Variants in FANCM observed in about 807,000 individuals in gnomAD.
FANCM encodes the protein Fanconi anemia group M protein.
FANCM carries 140 observed loss-of-function variants against 199.5 expected under a neutral mutation model. The ratio of observed to expected loss-of-function variants is 0.70; its 90% CI spans 0.61 to 0.81. The LOEUF (loss-of-function observed/expected upper bound fraction) is 0.81, where lower values mean the gene tolerates loss of function less well. Among genes scored for constraint, FANCM ranks in the 30% least tolerant of loss-of-function variants. FANCM has a pLI of 0.00. For synonymous variants in FANCM, 840 were observed against 836.8 expected, an observed-to-expected ratio of 1.00 and a Z score of -0.07; for missense variants, 2,410 against 2,421.4, an observed-to-expected ratio of 1.00 and a Z score of 0.10.
At chr14:45,192,688 G>C (rs1261079921) in intron 20 of FANCM, among the ~76,000 whole-genome samples, 1 of 151,890 alleles carries the variant, frequency 6.6e-6, no homozygotes, top group Admixed American at 6.6e-5. Context: ...AATTAGCCTG[G>C]CATGCTGGTG....
Position 45,175,146 on chromosome 14 carries a change from A to G in FANCM, c.2392A>G (p.Arg798Gly), listed in dbSNP as rs772286894. The G allele has an allele frequency of 8.7e-6, 14 of 1,611,980 alleles. No individual in the cohort carries two copies. Among genetic ancestry groups the G allele is most frequent in the Non-Finnish European group, 1.1e-5 (13 of 1,178,828 alleles). ...TGTTACCTCAACATTTATTGCTCCC[A>G]GGAATGAATCTAATAATCTTGCCAG... ...EDVTSTFIAP[R>G]NESNNLASDT... The change falls in exon 14 of 23, where the codon AGG (arginine) becomes GGG (glycine). Residue 798 changes from arginine (R) to glycine (G), a missense_variant. Transcript: ENST00000267430.
In FANCM at chr14:45,189,363, G is replaced by A. The variant is rs754297345; in HGVS notation, c.5340+1G>A. On this transcript the variant is annotated splice_donor_variant, in intron 20 of 22. Transcript: ENST00000267430. LOFTEE classifies it high-confidence loss of function. ...TAGAAAATTTCCAGTTCCACAGAAG[G>A]TATGGATCAAAGAAAGGAAAAATAT... 6.2e-7 allele frequency: 1 copy of A among 1,602,098 alleles called. No homozygotes were observed. The highest frequency in any genetic ancestry group is 8.6e-7 in the Non-Finnish European group (1 of 1,169,182).
intron 22 of FANCM, 118 bp downstream of exon 22, chr14:45,199,053 A>G (rs1040812883): frequency 1.2e-5 from 9 of 764,166 alleles, no homozygotes; most frequent in African/African-American, 7.1e-5. Context: ...TATTTTATTC[A>G]GTAAACATTT....
chr14:45,184,032 GA>G (rs752920282), intron 17 of FANCM, 130 bp downstream of exon 17: 22 of 639,908 alleles, frequency 3.4e-5, no homozygotes, highest in Non-Finnish European at 5.4e-5. Flanking sequence ...CACCCATTTA[GA>G]TTTTTTTTAC....
At position 45,169,852 on chromosome 14, in the gene FANCM, A is replaced by G. The variant is rs538514970; in HGVS notation, c.2003-737A>G. Among the ~76,000 whole-genome samples, 9 of 152,276 alleles carry G rather than the reference A, an allele frequency of 5.9e-5. No individual in the cohort carries two copies. The East Asian group carries it at 7.7e-4, about 13-fold the overall frequency. On this transcript the variant is annotated intron_variant, in intron 11 of 22. Transcript: ENST00000267430. ...ATACTATACATATTTTTAAAAGTCT[A>G]TTATGTCCTTTTTTAAAGCAACAAG...
chr14:45,189,284 T>C lies in FANCM; in HGVS notation c.5262T>C (p.Asn1754=). 6.2e-7 allele frequency: 1 copy of C among 1,613,948 alleles called. No individual in the cohort carries two copies. The highest frequency in any genetic ancestry group is 8.5e-7 in the Non-Finnish European group (1 of 1,179,852). ...CAGACTTCAAACCTCAGAATCATAATGAAGTCCAGTCTACCACACCACCCT... is the reference window on the plus strand; with the variant it reads ...CAGACTTCAAACCTCAGAATCATAACGAAGTCCAGTCTACCACACCACCCT... ...EVSDFKPQNH[N]EVQSTTPPFT... Residue 1754 remains asparagine, a synonymous_variant, in exon 20 of 23, where the codon AAT becomes AAC. Coordinates refer to ENST00000267430, the MANE Select transcript of FANCM (RefSeq NM_020937.4).
intron 3 of FANCM, among the ~76,000 whole-genome samples, chr14:45,146,894 A>G (rs988910068): frequency 2.0e-5 from 3 of 150,758 alleles, no homozygotes; most frequent in African/African-American, 7.3e-5. Flanking sequence ...TAACTAAGCT[A>G]TCTTGTCAGT....
intron 20 of FANCM, among the ~76,000 whole-genome samples, chr14:45,189,584 C>G (rs1193185558): frequency 1.3e-5 from 2 of 152,116 alleles, no homozygotes; most frequent in Admixed American, 1.3e-4. Flanking sequence ...GTTTTGTTAA[C>G]ACTATGTAAG....
In FANCM at chr14:45,176,186, C is replaced by T. The variant is rs374047969; in HGVS notation, c.3432C>T (p.Phe1144=). The change falls in exon 14 of 23, where the codon TTC becomes TTT. Residue 1144 remains phenylalanine, a synonymous_variant. Transcript: ENST00000267430. ...LLLFEDVNTE[F]DDVSLSPLNS... is the part of the protein sequence containing the mutation. ...TATTTGAAGATGTTAATACAGAGTT[C>T]GACGATGTGAGTCTTTCACCCTTGA... The T allele has an allele frequency of 2.3e-5, 37 of 1,614,000 alleles. No homozygotes were observed. In the African/African-American group the frequency reaches 3.6e-4, roughly 16 times the overall value.
At chr14:45,138,836 A>T (rs1248551036) in intron 2 of FANCM, among the ~76,000 whole-genome samples, 1 of 152,190 alleles carries the variant, frequency 6.6e-6, no homozygotes, top group East Asian at 1.9e-4. Flanking sequence ...ATACATTCCA[A>T]TAGGTACACC....
rs751605791 is a variant in FANCM at position 45,173,138 on chromosome 14, A to C, written c.2244A>C (p.Gln748His). The part of the protein sequence containing the change: ...LWQDHPLPTH[Q>H]VDHSDRCRHF... ...AAGATCATCCTTTGCCTACACATCA[A>C]GTTGATCACTCAGATCGATGCCGCC... Residue 748 changes from glutamine (Q) to histidine (H), a missense_variant, in exon 13 of 23, where the codon CAA becomes CAC. Gln to His is a conservative substitution (Grantham distance 24). Transcript: ENST00000267430. 1 of 1,612,966 alleles carries C rather than the reference A, an allele frequency of 6.2e-7. No homozygotes were observed. Among genetic ancestry groups the C allele is most frequent in the South Asian group, 1.1e-5 (1 of 91,070 alleles).
Position 45,183,668 on chromosome 14 carries a change from T to A in FANCM, c.4387-106T>A, listed in dbSNP as rs1012647208. On this transcript the variant is annotated intron_variant, in intron 16 of 22. Transcript: ENST00000267430. ...TTTACATTCTTAAGTATTTATAACA[T>A]TAATATTATGTATTTATAACATGGC... 10 of 707,780 alleles carry A rather than the reference T, an allele frequency of 1.4e-5. No homozygotes were observed. The East Asian group carries it at 2.8e-4, about 20-fold the overall frequency. 43.8% of individuals were successfully genotyped at this position (707,780 alleles called of 1,614,324 possible).
Position 45,136,988 on chromosome 14 carries a change from C to T in FANCM, c.509-81C>T. On this transcript the variant is annotated intron_variant, in intron 1 of 22. Transcript: ENST00000267430. ...TCTTAATGTTACCAAAGCATGTTTG[C>T]ATTCTGAAAAAGCCAGACTATTTAT... 1.9e-6 allele frequency: 2 copies of T among 1,040,390 alleles called. 1 individual carries two copies. The highest frequency in any genetic ancestry group is 2.6e-5 in the South Asian group (2 of 77,626). 64.4% of individuals were successfully genotyped at this position (1,040,390 alleles called of 1,614,324 possible).
chr14:45,137,461 C>A, intron 2 of FANCM: 1 of 550,006 alleles, frequency 1.8e-6, no homozygotes, highest in African/African-American at 1.9e-5. Context: ...TTTTCTTTTT[C>A]TTTTCTTCTA....
In FANCM at chr14:45,195,861, G is replaced by A. The variant is rs373352599; in HGVS notation, c.5341-311G>A. 1.8e-4 allele frequency among the ~76,000 whole-genome samples: 28 copies of A among 151,704 alleles called. No homozygotes were observed. In the East Asian group the frequency reaches 4.1e-3, roughly 22 times the overall value. The stretch of plus-strand genomic sequence containing the variant: ...TCAAAGGTTATTTCACCTTCCATTC[G>A]TTTGTTTTTTTTCTCTAGGCTAAAA... On this transcript the variant is annotated intron_variant, in intron 20 of 22. Coordinates refer to ENST00000267430, the MANE Select transcript of FANCM (RefSeq NM_020937.4).
At chr14:45,137,808 C>T (rs542802924) in intron 2 of FANCM, 2 of 158,206 alleles carry the variant, frequency 1.3e-5, no homozygotes, top group East Asian at 3.7e-4. Context: ...TACTCAAGGT[C>T]CAGGTCATTA....
At chr14:45,149,048 T>C (rs1309020336) in intron 4 of FANCM, 53 bp downstream of exon 4, 12 of 1,286,034 alleles carry the variant, frequency 9.3e-6, no homozygotes, top group Non-Finnish European at 1.2e-5. Context: ...GGTAATTGAA[T>C]TATTTCAGCT....
intron 22 of FANCM, 91 bp downstream of exon 22, chr14:45,199,026 C>A: frequency 1.0e-6 from 1 of 957,726 alleles, no homozygotes; most frequent in Non-Finnish European, 1.6e-6. Flanking sequence ...ATTTAAGCGG[C>A]ATCATGCCTG....
At chr14:45,187,710 G>A in intron 18 of FANCM, 71 bp from the exon 19 acceptor site, 2 of 705,506 alleles carry the variant, frequency 2.8e-6, no homozygotes, top group South Asian at 3.3e-5. Context: ...GAAATAGATT[G>A]AAGTTAAATA....
Sources: allele counts gnomAD v4.1 joint callset (sites outside exome capture counted in the v4.1 genomes callset), GRCh38; gene constraint gnomAD v4.1.1; transcripts MANE v1.5; gene names NCBI Gene and HGNC (gene_info 2026-07-23, HGNC 2026-07-21).